CAMSAP1: variants seen among roughly 807,000 people sequenced by gnomAD.
CAMSAP1 encodes the protein calmodulin regulated spectrin associated protein 1.
CAMSAP1 carries 58 observed loss-of-function variants against 143.5 expected under a neutral mutation model. That is an observed-to-expected ratio of 0.40 (90% CI 0.33 to 0.50). The LOEUF is 0.50. CAMSAP1 is among the 20% of genes least tolerant of loss of function. The pLI is 0.45. For synonymous variants in CAMSAP1, 945 were observed against 859.3 expected (o/e 1.10, Z -1.74); for missense variants, 1,969 against 2,115.7 (o/e 0.93, Z 1.36).
At position 135,850,211 on chromosome 9, in the gene CAMSAP1, G is replaced by A. The variant is rs1428392921; in HGVS notation, c.971C>T (p.Ala324Val). 3 of 1,612,814 alleles carry A rather than the reference G, an allele frequency of 1.9e-6. No homozygotes were observed. The highest frequency in any genetic ancestry group is 2.2e-5 in the East Asian group (1 of 44,844). The change falls in exon 7 of 17, where the codon GCG (alanine) becomes GTG (valine). Residue 324 changes from alanine to valine, a missense_variant. Ala to Val is a moderately conservative substitution (Grantham distance 64). This residue lies in a region of CAMSAP1 where 221 missense variants were observed against 298.2 expected (regional missense o/e 0.74). Coordinates refer to ENST00000389532, the MANE Select transcript of CAMSAP1 (RefSeq NM_015447.4). ...VLKPNVMVFI[A>V]ELFWWFENVK... ...ATTCTCGAACCACCAAAAAAGCTCC[G>A]CAATAAAAACCATAACATTCGGCTA...
At chr9:135,876,906 G>A (rs1257672650) in intron 3 of CAMSAP1, among the ~76,000 whole-genome samples, 3 of 152,148 alleles carry the variant, frequency 2.0e-5, no homozygotes, top group Non-Finnish European at 4.4e-5. Flanking sequence ...CTACTTGGGA[G>A]GCTGAGGCAA....
At chr9:135,871,860 T>C (rs562866926) in intron 3 of CAMSAP1, among the ~76,000 whole-genome samples, 2 of 152,156 alleles carry the variant, frequency 1.3e-5, no homozygotes, top group East Asian at 3.9e-4. Context: ...CCCAGCACTT[T>C]AGGAGGCCGA....
intron 5 of CAMSAP1, among the ~76,000 whole-genome samples, chr9:135,850,675 A>T (rs1236047716): frequency 2.0e-5 from 3 of 152,236 alleles, no homozygotes; most frequent in African/African-American, 7.2e-5. Flanking sequence ...TCTGAATTTG[A>T]TGGTGAACAT....
At chr9:135,851,294 A>G (rs1836775318) in intron 5 of CAMSAP1, among the ~76,000 whole-genome samples, 1 of 152,228 alleles carries the variant, frequency 6.6e-6, no homozygotes, top group Non-Finnish European at 1.5e-5. Context: ...TTCTAAGGAA[A>G]AAACCATTTT....
Position 135,818,890 on chromosome 9 carries a change from TA to T in CAMSAP1, c.3959+119del. 1 of 1,442,374 alleles carries T rather than the reference TA, an allele frequency of 6.9e-7. No homozygotes were observed. Among genetic ancestry groups the T allele is most frequent in the Non-Finnish European group, 9.3e-7 (1 of 1,073,244 alleles). The allele number at this position is 1,442,374 out of a possible 1,614,324, so 89.3% of individuals were successfully genotyped here. A position where few individuals can be genotyped will look rare whatever the true frequency, so the allele number is the denominator to read the frequency against. On this transcript the variant is annotated intron_variant, in intron 12 of 16. Transcript: ENST00000389532. This position sits in a 1 kb window ranked among gnomAD's most constrained non-coding sequence, Gnocchi z 7.7. ...TCGGGGAGGTGGTCCATGGGAGGAG[TA>T]AGACCGTCACAGGCACTCATTGCCA...
intron 1 of CAMSAP1, 32 bp downstream of exon 1, chr9:135,906,968 G>A: frequency 9.7e-7 from 1 of 1,027,392 alleles, no homozygotes; most frequent in Non-Finnish European, 1.2e-6. Flanking sequence ...CCGCGCCCCT[G>A]GCCCCCGCCC....
intron 5 of CAMSAP1, among the ~76,000 whole-genome samples, chr9:135,860,673 C>T (rs1343282212): frequency 1.3e-5 from 2 of 151,700 alleles, no homozygotes; most frequent in Non-Finnish European, 2.9e-5. Flanking sequence ...ATCTGAAGAC[C>T]CCAACCCCTC....
At chr9:135,862,741 A>G in intron 4 of CAMSAP1, 133 bp from the exon 5 acceptor site, 2 of 903,518 alleles carry the variant, frequency 2.2e-6, no homozygotes, top group South Asian at 3.3e-5. Flanking sequence ...GCAATAATCT[A>G]GAAAGAGTTA....
chr9:135,859,407 T>C (rs1837094515), intron 5 of CAMSAP1, among the ~76,000 whole-genome samples: 2 of 152,212 alleles, frequency 1.3e-5, no homozygotes. Context: ...GTTTGTTTGT[T>C]TGTTTGAGAC....
intron 1 of CAMSAP1, among the ~76,000 whole-genome samples, chr9:135,890,817 G>A (rs1052698230): frequency 3.3e-5 from 5 of 152,226 alleles, no homozygotes; most frequent in Non-Finnish European, 7.3e-5. Flanking sequence ...AAAATGACAA[G>A]ACATCATGAG....
chr9:135,827,424 C>A lies in CAMSAP1; in HGVS notation c.1206G>T (p.Pro402=). The A allele has an allele frequency of 6.4e-7, 1 of 1,568,512 alleles. No homozygotes were observed. Residue 402 remains proline, a synonymous_variant, in exon 8 of 17, where the codon CCG becomes CCT. Coordinates refer to ENST00000389532, the MANE Select transcript of CAMSAP1 (RefSeq NM_015447.4). ...AEGCHRHYLH[P]EEPEYLGKGT... is the part of the protein sequence containing the mutation. ...AGACTTACAGGTATTCAGGTTCTTC[C>A]GGGTGCAGGTAGTGCCTGTGACAGC...
intron 1 of CAMSAP1, among the ~76,000 whole-genome samples, chr9:135,884,238 A>G (rs1352388853): frequency 6.6e-6 from 1 of 152,144 alleles, no homozygotes; most frequent in Non-Finnish European, 1.5e-5. Context: ...TCAGACAACC[A>G]GTAACACTAG....
In CAMSAP1 at chr9:135,820,017, C is replaced by T. The variant is rs1450050658; in HGVS notation, c.3822+822G>A. On this transcript the variant is annotated intron_variant, in intron 11 of 16. Transcript: ENST00000389532. This position sits in a 1 kb window ranked among gnomAD's most constrained non-coding sequence, Gnocchi z 4.4. The stretch of plus-strand genomic sequence containing the variant: ...GCAAAGCAGAAACAGTTGCGTGTCG[C>T]TTGCCGAGAGAAAACGTTCTGAGAA... 6.6e-6 allele frequency among the ~76,000 whole-genome samples: 1 copy of T among 152,212 alleles called. No homozygotes were observed. The highest frequency in any genetic ancestry group is 1.5e-5 in the Non-Finnish European group (1 of 68,044).
intron 3 of CAMSAP1, among the ~76,000 whole-genome samples, chr9:135,878,051 TC>T (rs1318638309): frequency 2.0e-5 from 3 of 152,120 alleles, no homozygotes; most frequent in Non-Finnish European, 2.9e-5. Context: ...AGCGCTTCCA[TC>T]TAGTTACACA....
chr9:135,822,583 T>C lies in CAMSAP1; in HGVS notation c.2078A>G (p.Gln693Arg), dbSNP rs750631030. ...GAAGAAGCCATCCGTGGATGGTCCC[T>C]GGGGGAACGGATCGAATCCGCCAAG... ...LALGGFDPFPQGPSTDGFFLH... is the reference protein window; with the variant it reads ...LALGGFDPFPRGPSTDGFFLH... Residue 693 changes from glutamine to arginine, a missense_variant, in exon 11 of 17, where the codon CAG becomes CGG. Transcript: ENST00000389532. This position sits in a 1 kb window ranked among gnomAD's most constrained non-coding sequence, Gnocchi z 6.1. 5.0e-6 allele frequency: 8 copies of C among 1,613,326 alleles called. No individual in the cohort carries two copies. The highest frequency in any genetic ancestry group is 6.8e-6 in the Non-Finnish European group (8 of 1,179,822).
rs10715807 is a variant in CAMSAP1 at position 135,820,546 on chromosome 9, CAA to C, written c.3822+291_3822+292del. ...GACAGGGTTTTGACTGGAAAACCAG[CAA>C]AAAAAAAAAAACTATGTTGAAAATC... is the stretch of plus-strand genomic sequence containing the variant. On this transcript the variant is annotated intron_variant, in intron 11 of 16. Transcript: ENST00000389532. The surrounding 1 kb of genome is among the most constrained non-coding windows in gnomAD (Gnocchi z 4.4). 1.4e-4 allele frequency among the ~76,000 whole-genome samples: 20 copies of C among 145,804 alleles called. No homozygotes were observed. Among genetic ancestry groups the C allele is most frequent in the Non-Finnish European group, 1.7e-4 (11 of 66,058 alleles).
intron 3 of CAMSAP1, among the ~76,000 whole-genome samples, chr9:135,875,947 A>G (rs1297600382): frequency 6.6e-6 from 1 of 152,198 alleles, no homozygotes; most frequent in African/African-American, 2.4e-5. Flanking sequence ...GGCTACAAAG[A>G]AAACTTTAAA....
intron 2 of CAMSAP1, 67 bp from the exon 3 acceptor site, chr9:135,881,861 A>C: frequency 6.6e-7 from 1 of 1,516,182 alleles, no homozygotes; most frequent in Non-Finnish European, 8.9e-7. Flanking sequence ...GATGCAGGGA[A>C]CCTGCTCATA....
rs1467123607 is a variant in CAMSAP1 at position 135,821,795 on chromosome 9, C to T, written c.2866G>A (p.Asp956Asn). The change falls in exon 11 of 17, where the codon GAC (aspartate) becomes AAC (asparagine). Residue 956 changes from aspartate (D) to asparagine (N), a missense_variant. Physicochemically the swap from Asp to Asn is conservative, Grantham distance 23. Around this residue, in one of 4 missense-constraint regions of CAMSAP1, gnomAD observed 1,390 missense variants for 1,420.8 expected, o/e 0.98. Coordinates refer to ENST00000389532, the MANE Select transcript of CAMSAP1 (RefSeq NM_015447.4). This position sits in a 1 kb window ranked among gnomAD's most constrained non-coding sequence, Gnocchi z 4.6. ...CTCTGCTCCTCCTTCACGAGAAAGT[C>T]TTCGGTTTTGGAAACAGCGTCCCCA... Reference protein sequence around the residue: ...DCGDAVSKTEDFLVKEEQREE... With the variant: ...DCGDAVSKTENFLVKEEQREE... The T allele has an allele frequency of 1.2e-6, 2 of 1,613,998 alleles. No homozygotes were observed. Among genetic ancestry groups the T allele is most frequent in the Non-Finnish European group, 8.5e-7 (1 of 1,179,900 alleles).
Sources: allele counts gnomAD v4.1 joint callset (sites outside exome capture counted in the v4.1 genomes callset), GRCh38; gene constraint gnomAD v4.1.1; regional missense constraint gnomAD v4.1.1; non-coding constraint Gnocchi (gnomAD v3.1); transcripts MANE v1.5; gene names NCBI Gene and HGNC (gene_info 2026-07-23, HGNC 2026-07-21).